The following PTPRN2 variants were observed in gnomAD, a reference collection of about 807,000 sequenced individuals.
PTPRN2 encodes the protein receptor-type tyrosine-protein phosphatase N2.
In PTPRN2, 74 loss-of-function variants were observed where a neutral mutation model predicts 118.8. The observed-to-expected ratio is 0.62, with a 90% CI of 0.52 to 0.76. PTPRN2 has a LOEUF of 0.76. PTPRN2 is among the 30% of genes least tolerant of loss of function. The pLI is 0.00. For synonymous variants in PTPRN2, 641 were observed against 608.0 expected (o/e 1.05, Z -0.80); for missense variants, 1,481 against 1,394.4 (o/e 1.06, Z -0.99).
At chr7:158,305,267 G>A (rs1586184709) in intron 3 of PTPRN2, among the ~76,000 whole-genome samples, 2 of 152,308 alleles carry the variant, frequency 1.3e-5, no homozygotes, top group Admixed American at 1.3e-4. Context: ...AAAGCCAAGA[G>A]TGGCTTCTTT....
intron 2 of PTPRN2, among the ~76,000 whole-genome samples, chr7:158,337,627 TGCA>T (rs1805929000): frequency 9.8e-4 from 84 of 86,106 alleles, no homozygotes; most frequent in African/African-American, 1.8e-3. Flanking sequence ...AGGAGACACC[TGCA>T]GACGTCATTC....
At chr7:158,159,508 G>T (rs1007176763) in intron 6 of PTPRN2, among the ~76,000 whole-genome samples, 3 of 152,206 alleles carry the variant, frequency 2.0e-5, no homozygotes, top group Non-Finnish European at 4.4e-5. Flanking sequence ...GTGAATTAGG[G>T]ACTTGTAATT....
At chr7:158,331,894 C>A (rs1421423725) in intron 2 of PTPRN2, among the ~76,000 whole-genome samples, 2 of 149,900 alleles carry the variant, frequency 1.3e-5, no homozygotes, top group African/African-American at 2.5e-5. Context: ...GTCACTCACA[C>A]CCACACTCTC....
At chr7:157,569,098 G>A (rs1220396652) in intron 20 of PTPRN2, 132 bp from the exon 21 acceptor site, 1 of 879,628 alleles carries the variant, frequency 1.1e-6, no homozygotes, top group Admixed American at 2.0e-5. Flanking sequence ...GATGTGAGAG[G>A]GGGAGGAAGG....
chr7:158,161,090 T>A (rs1426671161), intron 6 of PTPRN2, among the ~76,000 whole-genome samples: 1 of 152,210 alleles, frequency 6.6e-6, no homozygotes, highest in Non-Finnish European at 1.5e-5. Flanking sequence ...CAGGATTGTG[T>A]CTTTCAGGAT....
At chr7:157,551,540 C>T (rs1230250456) in intron 21 of PTPRN2, among the ~76,000 whole-genome samples, 2 of 147,120 alleles carry the variant, frequency 1.4e-5, no homozygotes, top group African/African-American at 5.0e-5. Context: ...CCCACACACC[C>T]CACAGCCACC....
Position 158,542,837 on chromosome 7 carries a change from T to C in PTPRN2, c.112+44721A>G, listed in dbSNP as rs572060656. Among the ~76,000 whole-genome samples the C allele has an allele frequency of 5.3e-5, 8 of 152,200 alleles. No homozygotes were observed. In the East Asian group the frequency reaches 1.5e-3, roughly 29 times the overall value. ...CATCTGTCAGGGCAATGCTGTGGAATTCCAAAGCCCACTGTCTACGGAACA... is the reference window on the plus strand; with the variant it reads ...CATCTGTCAGGGCAATGCTGTGGAACTCCAAAGCCCACTGTCTACGGAACA... On this transcript the variant is annotated intron_variant, in intron 1 of 22. Coordinates refer to ENST00000389418, the MANE Select transcript of PTPRN2 (RefSeq NM_002847.5).
chr7:158,127,708 T>G (rs1483263322), intron 9 of PTPRN2, among the ~76,000 whole-genome samples: 1 of 152,088 alleles, frequency 6.6e-6, no homozygotes, highest in Non-Finnish European at 1.5e-5. Flanking sequence ...GAGAGGCATG[T>G]GTGTGTGAGC....
intron 2 of PTPRN2, among the ~76,000 whole-genome samples, chr7:158,365,639 C>G (rs1336900242): frequency 6.9e-6 from 1 of 144,426 alleles, no homozygotes; most frequent in Non-Finnish European, 1.5e-5. Context: ...CTGGGAGAAG[C>G]CGCAGCCCAA....
intron 2 of PTPRN2, among the ~76,000 whole-genome samples, chr7:158,442,356 G>T (rs1264992610): frequency 6.6e-6 from 1 of 152,098 alleles, no homozygotes; most frequent in South Asian, 2.1e-4. Context: ...ATGTGCAAAC[G>T]TACGAGAGCT....
At chr7:157,832,996 G>T (rs112070248) in intron 12 of PTPRN2, among the ~76,000 whole-genome samples, 1 of 151,958 alleles carries the variant, frequency 6.6e-6, no homozygotes, top group African/African-American at 2.4e-5. Context: ...TGATAAACTC[G>T]TCCAGGAGCG....
At chr7:158,343,590 A>T (rs13312347) in intron 2 of PTPRN2, among the ~76,000 whole-genome samples, 8 of 148,616 alleles carry the variant, frequency 5.4e-5, no homozygotes, top group African/African-American at 2.0e-4. Flanking sequence ...GCAGAGGCTC[A>T]GGCAGCCATG....
chr7:158,163,599 G>C (rs1822577262), intron 6 of PTPRN2, among the ~76,000 whole-genome samples: 1 of 151,270 alleles, frequency 6.6e-6, no homozygotes, highest in Non-Finnish European at 1.5e-5. Flanking sequence ...ATATTTCATA[G>C]GTGGCGCCTG....
At chr7:158,475,643 G>A (rs565104091) in intron 2 of PTPRN2, among the ~76,000 whole-genome samples, 137 of 152,236 alleles carry the variant, frequency 9.0e-4, no homozygotes, top group African/African-American at 3.2e-3. Flanking sequence ...CCCCTGCTGG[G>A]CTCACTCTCC....
rs545867454 is a variant in PTPRN2, at chr7:157,541,084, C to T, written c.2977-299G>A. On this transcript the variant is annotated intron_variant, in intron 22 of 22. Transcript: ENST00000389418. ...GGGGAGAAGCTGCCCACAGAAGCAG[C>T]GAGAAGGCAACGGTTCCTGCGTACT... Among the ~76,000 whole-genome samples the T allele has an allele frequency of 3.2e-3, 482 of 152,336 alleles. 3 individuals carry two copies. Among genetic ancestry groups the T allele is most frequent in the African/African-American group, 0.011 (438 of 41,576 alleles).
chr7:157,752,365 G>C (rs1177872759), intron 12 of PTPRN2, among the ~76,000 whole-genome samples: 1 of 152,214 alleles, frequency 6.6e-6, no homozygotes, highest in Non-Finnish European at 1.5e-5. Flanking sequence ...GAGCCCCAGA[G>C]GGGGCAGGCT....
intron 12 of PTPRN2, among the ~76,000 whole-genome samples, chr7:157,891,833 C>T (rs1379772441): frequency 6.6e-6 from 1 of 152,188 alleles, no homozygotes; most frequent in Non-Finnish European, 1.5e-5. Flanking sequence ...CTTGAATAAC[C>T]ATCTGAAGAC....
chr7:158,126,086 G>A (rs1382811488), intron 9 of PTPRN2, among the ~76,000 whole-genome samples: 19 of 124,668 alleles, frequency 1.5e-4, no homozygotes, highest in Admixed American at 3.1e-4. Context: ...CTTCCTCTCC[G>A]CCACACCAGC....
At chr7:157,568,664 C>G (rs979030339) in intron 21 of PTPRN2, among the ~76,000 whole-genome samples, 4 of 151,646 alleles carry the variant, frequency 2.6e-5, no homozygotes, top group African/African-American at 9.7e-5. Flanking sequence ...AGTGCATGCT[C>G]GGCACGCAGA....
Sources: allele counts gnomAD v4.1 joint callset (sites outside exome capture counted in the v4.1 genomes callset), GRCh38; gene constraint gnomAD v4.1.1; transcripts MANE v1.5; gene names NCBI Gene and HGNC (gene_info 2026-07-23, HGNC 2026-07-21).